CAMK1D: variants seen among roughly 807,000 people sequenced by gnomAD.
CAMK1D encodes calcium/calmodulin dependent protein kinase ID.
A neutral mutation model predicts 47.7 loss-of-function variants in CAMK1D; 9 were observed. The observed-to-expected ratio is 0.19, with a 90% CI of 0.11 to 0.33. The LOEUF (loss-of-function observed/expected upper bound fraction) is 0.33, where lower values mean the gene tolerates loss of function less well. Ranked by LOEUF, CAMK1D falls within the 10% of genes least tolerant of loss-of-function variation. CAMK1D has a pLI of 1.00. For synonymous variants in CAMK1D, 184 were observed against 184.9 expected (o/e 0.99, Z 0.04); for missense variants, 291 against 488.7 (o/e 0.60, Z 3.81).
intron 3 of CAMK1D, among the ~76,000 whole-genome samples, chr10:12,698,388 T>C (rs1231479446): frequency 6.6e-6 from 1 of 152,228 alleles, no homozygotes; most frequent in Non-Finnish European, 1.5e-5. Flanking sequence ...CCTCGTTTTA[T>C]ATATGTCAAT....
intron 6 of CAMK1D, among the ~76,000 whole-genome samples, chr10:12,811,425 A>G (rs1454517000): frequency 6.6e-6 from 1 of 152,200 alleles, no homozygotes; most frequent in Non-Finnish European, 1.5e-5. Context: ...GATCTAAGGA[A>G]GATTTTGTAA....
intron 1 of CAMK1D, among the ~76,000 whole-genome samples, chr10:12,441,160 T>A (rs1001734780): frequency 2.8e-4 from 43 of 152,244 alleles, no homozygotes; most frequent in African/African-American, 1.0e-3. Context: ...TTGGACTTCA[T>A]TTCTGAAGGC....
At chr10:12,525,910 A>G (rs1051558215) in intron 1 of CAMK1D, among the ~76,000 whole-genome samples, 6 of 152,112 alleles carry the variant, frequency 3.9e-5, no homozygotes, top group Admixed American at 2.0e-4. Flanking sequence ...GGTGCTTGCC[A>G]TCATGACTGA....
Position 12,683,051 on chromosome 10 carries a change from A to C in CAMK1D, c.299+16241A>C, listed in dbSNP as rs572581339. Among the ~76,000 whole-genome samples the C allele has an allele frequency of 2.6e-5, 4 of 151,036 alleles. No homozygotes were observed. In the South Asian group the frequency reaches 8.4e-4, roughly 32 times the overall value. On this transcript the variant is annotated intron_variant, in intron 3 of 10. Coordinates refer to ENST00000619168, the MANE Select transcript of CAMK1D (RefSeq NM_153498.4). ...ATTCTCCTGCCTCAGCCTCCCGAGT[A>C]GCTGGGATTACAGGTGCATGCCACC...
At chr10:12,490,624 C>T (rs986242296) in intron 1 of CAMK1D, among the ~76,000 whole-genome samples, 7 of 152,062 alleles carry the variant, frequency 4.6e-5, no homozygotes, top group Non-Finnish European at 7.4e-5. Context: ...CGAGGTGGGC[C>T]GATCACCTGA....
intron 2 of CAMK1D, among the ~76,000 whole-genome samples, chr10:12,646,864 C>G (rs542724486): frequency 1.3e-5 from 2 of 151,952 alleles, no homozygotes; most frequent in African/African-American, 4.8e-5. Context: ...ATTTTGTTTG[C>G]AGAGTCTCAC....
chr10:12,470,920 ACGTG>A (rs997074427), intron 1 of CAMK1D, among the ~76,000 whole-genome samples: 1 of 152,074 alleles, frequency 6.6e-6, no homozygotes, highest in Non-Finnish European at 1.5e-5. Flanking sequence ...GTGTGTGTGT[ACGTG>A]CGTGCGTGCG....
At chr10:12,566,947 A>G (rs1323071760) in intron 2 of CAMK1D, among the ~76,000 whole-genome samples, 1 of 152,134 alleles carries the variant, frequency 6.6e-6, no homozygotes, top group Non-Finnish European at 1.5e-5. Context: ...TTGCCGTCGT[A>G]TGCTGCTCCA....
At chr10:12,735,139 A>T (rs1835121264) in intron 3 of CAMK1D, among the ~76,000 whole-genome samples, 1 of 152,160 alleles carries the variant, frequency 6.6e-6, no homozygotes, top group Non-Finnish European at 1.5e-5. Flanking sequence ...ATCTCGAGAG[A>T]TAAGTGGAAT....
intron 1 of CAMK1D, among the ~76,000 whole-genome samples, chr10:12,393,027 C>CTTTT (rs542625511): frequency 7.0e-6 from 1 of 143,788 alleles, no homozygotes; most frequent in Non-Finnish European, 1.5e-5. Flanking sequence ...TGAAACATAA[C>CTTTT]TTTTTTTTTT....
chr10:12,629,335 T>C (rs187682804), intron 2 of CAMK1D, among the ~76,000 whole-genome samples: 3 of 152,376 alleles, frequency 2.0e-5, no homozygotes, highest in Admixed American at 2.0e-4. Flanking sequence ...ACTATGACTA[T>C]GCAATCAACT....
chr10:12,588,864 A>ATC (rs374126074), intron 2 of CAMK1D, among the ~76,000 whole-genome samples: 1 of 104,842 alleles, frequency 9.5e-6, no homozygotes, highest in African/African-American at 3.6e-5. Context: ...GTATATGTAT[A>ATC]TATGTGTGTG....
intron 2 of CAMK1D, among the ~76,000 whole-genome samples, chr10:12,567,516 C>T (rs181683078): frequency 5.8e-4 from 88 of 152,236 alleles, no homozygotes; most frequent in Non-Finnish European, 7.2e-4. Context: ...TGTCTTCCTC[C>T]GTGACTCATT....
Position 12,716,002 on chromosome 10 carries a change from C to T in CAMK1D, c.300-44946C>T, listed in dbSNP as rs78656737. Among the ~76,000 whole-genome samples the T allele has an allele frequency of 1.4e-3, 206 of 152,154 alleles. 1 individual carries two copies. Among genetic ancestry groups the T allele is most frequent in the East Asian group, 5.4e-3 (28 of 5,166 alleles). ...CTAGGATTACAGGTGTGAGCCACTG[C>T]GCCCGGCCCATTTTGCTTATTTTAA... On this transcript the variant is annotated intron_variant, in intron 3 of 10. Transcript: ENST00000619168.
At chr10:12,797,317 G>C (rs1838238862) in intron 6 of CAMK1D, among the ~76,000 whole-genome samples, 1 of 151,520 alleles carries the variant, frequency 6.6e-6, no homozygotes, top group African/African-American at 2.4e-5. Flanking sequence ...TCCCACCTCA[G>C]CTTCCAAGTA....
intron 6 of CAMK1D, among the ~76,000 whole-genome samples, chr10:12,808,224 CG>C (rs1033316769): frequency 3.3e-5 from 5 of 152,230 alleles, no homozygotes; most frequent in Non-Finnish European, 5.9e-5. Flanking sequence ...CTTGTATACC[CG>C]GAATAGCCTC....
intron 1 of CAMK1D, among the ~76,000 whole-genome samples, chr10:12,537,186 C>G (rs1836002868): frequency 6.6e-6 from 1 of 152,186 alleles, no homozygotes; most frequent in African/African-American, 2.4e-5. Context: ...ATTCTCCTTC[C>G]TCAACCTCCC....
chr10:12,805,432 G>A (rs1302974711), intron 6 of CAMK1D, among the ~76,000 whole-genome samples: 20 of 145,590 alleles, frequency 1.4e-4, no homozygotes, highest in Non-Finnish European at 3.0e-5. Context: ...AGTGCAGTGC[G>A]CGATCTCAGC....
chr10:12,548,404 T>C (rs1182601417), intron 1 of CAMK1D, among the ~76,000 whole-genome samples: 1 of 152,094 alleles, frequency 6.6e-6, no homozygotes, highest in Non-Finnish European at 1.5e-5. Context: ...TTTATCTTTT[T>C]ATTGCAGTGA....
Sources: allele counts gnomAD v4.1 joint callset (sites outside exome capture counted in the v4.1 genomes callset), GRCh38; gene constraint gnomAD v4.1.1; transcripts MANE v1.5; gene names NCBI Gene and HGNC (gene_info 2026-07-23, HGNC 2026-07-21).